Variants in EVA1A observed in about 807,000 individuals in gnomAD.
EVA1A encodes the protein eva-1 homolog A, regulator of programmed cell death.
A neutral mutation model predicts 9.8 loss-of-function variants in EVA1A; 7 were observed. That is an observed-to-expected ratio of 0.71 (90% CI 0.41 to 1.34). The LOEUF is 1.34. Among genes scored for constraint, EVA1A ranks in the 40% most tolerant of loss-of-function variants. EVA1A has a pLI of 0.01. For missense variants in EVA1A, 206 were observed against 205.9 expected, an observed-to-expected ratio of 1.00 and a Z score of 0.00; for synonymous variants, 90 against 85.6, an observed-to-expected ratio of 1.05 and a Z score of -0.28.
At position 75,492,820 on chromosome 2, in the gene EVA1A, G is replaced by A. The variant is rs1462255374; in HGVS notation, c.*416C>T. ...CACCTCCATAGCATGAAGTCATTTA[G>A]GAAATTGCATTTATTGGGTTAAGTT... is the stretch of plus-strand genomic sequence containing the variant. On this transcript the variant is annotated 3_prime_UTR_variant, in exon 4 of 4. Transcript: ENST00000393913. 1 of 166,608 alleles carries A rather than the reference G, an allele frequency of 6.0e-6. No homozygotes were observed. Among genetic ancestry groups the A allele is most frequent in the East Asian group, 1.8e-4 (1 of 5,646 alleles). The allele number at this position is 166,608 out of a possible 1,614,324, so 10.3% of individuals were successfully genotyped here.
chr2:75,545,353 G>T lies in EVA1A; in HGVS notation c.-192+15327C>A, dbSNP rs1307853779. Among the ~76,000 whole-genome samples the T allele has an allele frequency of 2.0e-5, 3 of 152,278 alleles. No homozygotes were observed. The East Asian group carries it at 5.8e-4, about 29-fold the overall frequency. Reference sequence around the variant, plus strand: ...CAGAAATAGTGTGTCCCTTGCTCCTGGAATTGGGAGAGGGGAAACTTTGGG... The same window carrying T: ...CAGAAATAGTGTGTCCCTTGCTCCTTGAATTGGGAGAGGGGAAACTTTGGG... On this transcript the variant is annotated intron_variant, in intron 1 of 3. Coordinates refer to ENST00000393913, the MANE Select transcript of EVA1A (RefSeq NM_001135032.2).
intron 1 of EVA1A, among the ~76,000 whole-genome samples, chr2:75,559,708 CG>C (rs1328153509): frequency 2.8e-5 from 1 of 35,414 alleles, no homozygotes; most frequent in South Asian, 9.3e-4. Flanking sequence ...GGGGGGGGGG[CG>C]GGGGAGTTGG....
Position 75,554,448 on chromosome 2 carries a change from G to C in EVA1A, c.-192+6232C>G, listed in dbSNP as rs1222919164. On this transcript the variant is annotated intron_variant, in intron 1 of 3. Coordinates refer to ENST00000393913, the MANE Select transcript of EVA1A (RefSeq NM_001135032.2). Reference sequence around the variant, plus strand: ...AGATGCCAGGCTGGGGAGAAGGAAAGGGGGAAAAGCGGGGAGGAAATGGCC... The same window carrying C: ...AGATGCCAGGCTGGGGAGAAGGAAACGGGGAAAAGCGGGGAGGAAATGGCC... Among the ~76,000 whole-genome samples the C allele has an allele frequency of 2.0e-5, 3 of 152,172 alleles. No individual in the cohort carries two copies. The South Asian group carries it at 6.2e-4, about 32-fold the overall frequency.
chr2:75,536,239 G>T lies in EVA1A; in HGVS notation c.-191-13752C>A, dbSNP rs1159803746. Among the ~76,000 whole-genome samples the T allele has an allele frequency of 2.0e-5, 3 of 152,132 alleles. No homozygotes were observed. The East Asian group carries it at 5.8e-4, about 29-fold the overall frequency. Reference sequence around the variant, plus strand: ...AATCCCAGCTACTCAGGAGGCTGAAGGGGGAGGATGGCTTGAGCCCAGGTG... The same window carrying T: ...AATCCCAGCTACTCAGGAGGCTGAATGGGGAGGATGGCTTGAGCCCAGGTG... On this transcript the variant is annotated intron_variant, in intron 1 of 3. Transcript: ENST00000393913.
intron 2 of EVA1A, chr2:75,518,532 C>T (rs10188042): frequency 0.16 from 150,292 of 912,214 alleles, 13,166 homozygotes; most frequent in African/African-American, 0.29. Context: ...TTCAAGCGAG[C>T]TTCCTGGCTT....
At chr2:75,569,058 T>A (rs561119547) in intron 1 of EVA1A, among the ~76,000 whole-genome samples, 1 of 152,294 alleles carries the variant, frequency 6.6e-6, no homozygotes, top group South Asian at 2.1e-4. Context: ...CTCCGTACTG[T>A]TTTCCATATT....
At chr2:75,536,597 A>C (rs1336739450) in intron 1 of EVA1A, among the ~76,000 whole-genome samples, 1 of 152,202 alleles carries the variant, frequency 6.6e-6, no homozygotes, top group Non-Finnish European at 1.5e-5. Flanking sequence ...CAAATTACCA[A>C]TATCAGAAAC....
At chr2:75,532,681 AG>A (rs1470690060) in intron 1 of EVA1A, among the ~76,000 whole-genome samples, 6 of 152,232 alleles carry the variant, frequency 3.9e-5, no homozygotes, top group Admixed American at 2.0e-4. Flanking sequence ...CCAGAATGAA[AG>A]AGGAAGAAGA....
intron 3 of EVA1A, among the ~76,000 whole-genome samples, chr2:75,512,983 A>T (rs1306680307): frequency 6.6e-6 from 1 of 152,166 alleles, no homozygotes; most frequent in Non-Finnish European, 1.5e-5. Flanking sequence ...TGACCATGTG[A>T]CACAGTCCTG....
chr2:75,537,527 C>T (rs1336266602), intron 1 of EVA1A, among the ~76,000 whole-genome samples: 2 of 152,128 alleles, frequency 1.3e-5, no homozygotes, highest in African/African-American at 4.8e-5. Context: ...ATAAAACTGT[C>T]CCTATTTGCA....
At position 75,493,259 on chromosome 2, in the gene EVA1A, T is replaced by C; in HGVS notation, c.436A>G (p.Arg146Gly). 1.9e-6 allele frequency: 3 copies of C among 1,613,390 alleles called. No individual in the cohort carries two copies. The highest frequency in any genetic ancestry group is 2.5e-6 in the Non-Finnish European group (3 of 1,179,634). Residue 146 changes from arginine (R) to glycine (G), a missense_variant, in exon 4 of 4, where the codon AGG (arginine) becomes GGG (glycine). Coordinates refer to ENST00000393913, the MANE Select transcript of EVA1A (RefSeq NM_001135032.2). ...CCCTAATAGTAGCGATTCAGGCTCC[T>C]GGTCCCGGGCACCTCAGGCTGGCCA... ...MNGQPEVPGT[R>G]SLNRYY is the part of the protein sequence containing the mutation.
At chr2:75,534,871 A>G (rs192419347) in intron 1 of EVA1A, among the ~76,000 whole-genome samples, 1 of 152,214 alleles carries the variant, frequency 6.6e-6, no homozygotes, top group East Asian at 1.9e-4. Context: ...TAGAATTCTT[A>G]TGGTTTCAGA....
chr2:75,527,222 C>A (rs771227112), intron 1 of EVA1A, among the ~76,000 whole-genome samples: 24 of 152,332 alleles, frequency 1.6e-4, no homozygotes, highest in Non-Finnish European at 3.1e-4. Context: ...GGTAGATAGC[C>A]TAGACTTTCA....
intron 1 of EVA1A, among the ~76,000 whole-genome samples, chr2:75,541,350 C>G (rs1239963819): frequency 6.6e-6 from 1 of 152,182 alleles, no homozygotes; most frequent in Non-Finnish European, 1.5e-5. Flanking sequence ...CCAAGAGGGA[C>G]TATACGAGTC....
chr2:75,565,740 G>A (rs974753437), upstream of EVA1A, among the ~76,000 whole-genome samples: 2 of 152,162 alleles, frequency 1.3e-5, no homozygotes, highest in Admixed American at 1.3e-4. Flanking sequence ...AATAATGAAA[G>A]ACAAAGGAAA....
chr2:75,513,764 C>T lies in EVA1A; in HGVS notation c.85+4292G>A, dbSNP rs34005975. On this transcript the variant is annotated intron_variant, in intron 3 of 3. Coordinates refer to ENST00000393913, the MANE Select transcript of EVA1A (RefSeq NM_001135032.2). ...ATGGATAAAGCTGGAATATATTACA[C>T]TGAGTAAAATAAGCCAGACAGAGAA... Among the ~76,000 whole-genome samples the T allele has an allele frequency of 8.6e-3, 1,311 of 152,272 alleles. 10 individuals are homozygous for T. The highest frequency in any genetic ancestry group is 0.014 in the Non-Finnish European group (922 of 68,022).
At chr2:75,527,389 G>A (rs1675486238) in intron 1 of EVA1A, among the ~76,000 whole-genome samples, 1 of 151,990 alleles carries the variant, frequency 6.6e-6, no homozygotes, top group African/African-American at 2.4e-5. Context: ...CTGGACATCC[G>A]CCCCCTCCTA....
intron 1 of EVA1A, chr2:75,526,087 G>A (rs770940439): frequency 6.6e-6 from 1 of 152,200 alleles, no homozygotes; most frequent in Admixed American, 6.5e-5. Context: ...AGAATTCTCT[G>A]AAGGAAGATC....
intron 1 of EVA1A, among the ~76,000 whole-genome samples, chr2:75,533,586 T>A (rs1675757596): frequency 6.6e-6 from 1 of 151,896 alleles, no homozygotes; most frequent in African/African-American, 2.4e-5. Flanking sequence ...TCCTCATGAG[T>A]TTTCGTATTT....
Sources: gnomAD v4.1 joint callset for allele counts (sites outside exome capture counted in the v4.1 genomes callset) on GRCh38, gnomAD v4.1.1 for gene constraint, MANE v1.5 for transcripts, NCBI Gene and HGNC (gene_info 2026-07-23, HGNC 2026-07-21) for gene names.